Variants in ZNF251 observed in about 807,000 individuals in gnomAD.
ZNF251 encodes the protein zinc finger protein 251.
A neutral mutation model predicts 13.5 loss-of-function variants in ZNF251; 14 were observed. The observed-to-expected ratio is 1.04, with a 90% CI of 0.69 to 1.63. ZNF251 has a LOEUF of 1.63. Ranked by LOEUF, ZNF251 falls within the 40% of genes most tolerant of loss-of-function variation. The pLI is 0.00. For missense variants in ZNF251, 764 were observed against 834.9 expected, an observed-to-expected ratio of 0.92 and a Z score of 1.05; for synonymous variants, 287 against 295.2, an observed-to-expected ratio of 0.97 and a Z score of 0.28.
At chr8:144,752,961 A>G in intron 4 of ZNF251, among the ~76,000 whole-genome samples, 1 of 152,108 alleles carries the variant, frequency 6.6e-6, no homozygotes, top group Non-Finnish European at 1.5e-5. Context: ...ATGTATATTC[A>G]ATAGAACAAA....
chr8:144,722,070 G>C lies in ZNF251; in HGVS notation c.1590C>G (p.Ser530Arg). 1 of 1,613,882 alleles carries C rather than the reference G, an allele frequency of 6.2e-7. No individual in the cohort carries two copies. Among genetic ancestry groups the C allele is most frequent in the South Asian group, 1.1e-5 (1 of 91,064 alleles). ...KHGPAFVHGS[S>R]LTADGQIPTG... is the part of the protein sequence containing the mutation. ...TGGGAATCTGTCCATCTGCTGTGAG[G>C]CTGGAGCCATGAACAAAGGCTGGAC... Residue 530 changes from serine (S) to arginine (R), a missense_variant, in exon 5 of 5, where the codon AGC (serine) becomes AGG (arginine). Ser to Arg is a moderately radical substitution (Grantham distance 110, BLOSUM62 -1). Coordinates refer to ENST00000292562, the MANE Select transcript of ZNF251 (RefSeq NM_138367.2). This position sits in a 1 kb window ranked among gnomAD's most constrained non-coding sequence, Gnocchi z 4.8.
At chr8:144,735,378 T>C (rs1176420693) in intron 4 of ZNF251, among the ~76,000 whole-genome samples, 2 of 103,010 alleles carry the variant, frequency 1.9e-5, no homozygotes, top group African/African-American at 8.2e-5. Context: ...CAAGACTCCG[T>C]CTCAAAAAAA....
chr8:144,750,953 G>A (rs113410048), intron 4 of ZNF251, among the ~76,000 whole-genome samples: 5,579 of 150,946 alleles, frequency 0.037, 346 homozygotes, highest in African/African-American at 0.13. Flanking sequence ...GAGTTTCAGC[G>A]ATTCTCCTGC....
rs781493756 is a variant in ZNF251 at position 144,722,543 on chromosome 8, C to T, written c.1117G>A (p.Gly373Arg). The T allele has an allele frequency of 3.7e-6, 6 of 1,614,152 alleles. No homozygotes were observed. The South Asian group carries it at 5.5e-5, about 15-fold the overall frequency. ...SLIQHERIHT[G>R]EKPHKCNQCG... ...TGATTGCATTTATGGGGCTTCTCTCCAGTGTGAATTCTCTCATGCTGAATA... is the reference window on the plus strand; with the variant it reads ...TGATTGCATTTATGGGGCTTCTCTCTAGTGTGAATTCTCTCATGCTGAATA... Residue 373 changes from glycine (G) to arginine (R), a missense_variant, in exon 5 of 5, where the codon GGA (glycine) becomes AGA (arginine). Coordinates refer to ENST00000292562, the MANE Select transcript of ZNF251 (RefSeq NM_138367.2). The surrounding 1 kb of genome is among the most constrained non-coding windows in gnomAD (Gnocchi z 4.8).
intron 4 of ZNF251, among the ~76,000 whole-genome samples, chr8:144,749,691 T>C (rs1351221497): frequency 6.6e-6 from 1 of 152,146 alleles, no homozygotes; most frequent in Non-Finnish European, 1.5e-5. Context: ...ACTATACTTC[T>C]TTTTTAACTT....
chr8:144,729,225 A>C lies in ZNF251; in HGVS notation c.278-5843T>G, dbSNP rs185765479. ...TTACTCCTAAAGCTCCTGGTTATAA[A>C]AGTCAAAAGAAAAATTGGGATAAAA... On this transcript the variant is annotated intron_variant, in intron 4 of 4. Transcript: ENST00000292562. 5.4e-4 allele frequency among the ~76,000 whole-genome samples: 82 copies of C among 152,264 alleles called. 1 individual carries two copies. Among genetic ancestry groups the C allele is most frequent in the African/African-American group, 1.9e-3 (78 of 41,580 alleles).
Position 144,722,761 on chromosome 8 carries a change from T to C in ZNF251, c.899A>G (p.Lys300Arg), listed in dbSNP as rs913415382. 3 of 1,613,996 alleles carry C rather than the reference T, an allele frequency of 1.9e-6. No homozygotes were observed. The highest frequency in any genetic ancestry group is 1.7e-5 in the Admixed American group (1 of 60,002). ...AAGAGTTGAGCTTCGACTGAAAGCC[T>C]TCCCACACTCACCACAGCCAAAGGG... ...EKPFGCGECG[K>R]AFSRSSTLIQ... The change falls in exon 5 of 5, where the codon AAG (lysine) becomes AGG (arginine). Residue 300 changes from lysine to arginine, a missense_variant. By Grantham distance (26) the Lys-to-Arg change is conservative. Transcript: ENST00000292562. The surrounding 1 kb of genome is among the most constrained non-coding windows in gnomAD (Gnocchi z 4.8).
intron 4 of ZNF251, among the ~76,000 whole-genome samples, chr8:144,745,791 C>G (rs1563768078): frequency 6.6e-6 from 1 of 152,066 alleles, no homozygotes; most frequent in Non-Finnish European, 1.5e-5. Context: ...TTAAGCGATC[C>G]TCCTGCCTTA....
chr8:144,726,564 C>G (rs1375384664), intron 4 of ZNF251, among the ~76,000 whole-genome samples: 2 of 151,154 alleles, frequency 1.3e-5, no homozygotes, highest in Admixed American at 1.3e-4. Flanking sequence ...AAAATAAAGA[C>G]TATTAGAAAA....
chr8:144,722,449 G>A lies in ZNF251; in HGVS notation c.1211C>T (p.Pro404Leu). The A allele has an allele frequency of 1.9e-6, 3 of 1,613,658 alleles. No homozygotes were observed. The highest frequency in any genetic ancestry group is 2.5e-6 in the Non-Finnish European group (3 of 1,179,910). ...TCTGCCGCATTCATTACATACATAGGGTTTCTCTCCAGTATGAACCCGATG... is the reference window on the plus strand; with the variant it reads ...TCTGCCGCATTCATTACATACATAGAGTTTCTCTCCAGTATGAACCCGATG... ...LHHRVHTGEKPYVCNECGRAF... is the reference protein window; with the variant it reads ...LHHRVHTGEKLYVCNECGRAF... The change falls in exon 5 of 5, where the codon CCC (proline) becomes CTC (leucine). Residue 404 changes from proline to leucine, a missense_variant. By Grantham distance (98) the Pro-to-Leu change is moderately conservative. Coordinates refer to ENST00000292562, the MANE Select transcript of ZNF251 (RefSeq NM_138367.2). The surrounding 1 kb of genome is among the most constrained non-coding windows in gnomAD (Gnocchi z 4.8).
At chr8:144,729,720 G>C (rs1420063977) in intron 4 of ZNF251, among the ~76,000 whole-genome samples, 1 of 152,114 alleles carries the variant, frequency 6.6e-6, no homozygotes, top group Admixed American at 6.5e-5. Flanking sequence ...CTTGGGATGG[G>C]CATGGTGGCT....
chr8:144,749,810 TC>T (rs1378789517), intron 4 of ZNF251, among the ~76,000 whole-genome samples: 1 of 152,110 alleles, frequency 6.6e-6, no homozygotes, highest in Non-Finnish European at 1.5e-5. Context: ...AAGGCACTGT[TC>T]CTTTCGGTTA....
chr8:144,752,845 G>A (rs1410637013), intron 4 of ZNF251, among the ~76,000 whole-genome samples: 1 of 152,066 alleles, frequency 6.6e-6, no homozygotes, highest in South Asian at 2.1e-4. Flanking sequence ...AACAAAAACT[G>A]GGAAAGGAAT....
intron 1 of ZNF251, 61 bp from the exon 2 acceptor site, chr8:144,754,864 G>A (rs1824884071): frequency 6.1e-6 from 9 of 1,477,280 alleles, no homozygotes; most frequent in Non-Finnish European, 7.2e-6. Context: ...GGATGGCCAG[G>A]AGGCAGAAGC....
At chr8:144,745,273 G>A (rs1157363386) in intron 4 of ZNF251, among the ~76,000 whole-genome samples, 1 of 149,374 alleles carries the variant, frequency 6.7e-6, no homozygotes, top group Non-Finnish European at 1.5e-5. Context: ...ACATTGAGGT[G>A]TGTTTGTTCC....
intron 4 of ZNF251, among the ~76,000 whole-genome samples, chr8:144,739,718 G>A (rs1359748144): frequency 6.6e-6 from 1 of 152,010 alleles, no homozygotes; most frequent in African/African-American, 2.4e-5. Context: ...GACCAATATG[G>A]TGAAACCTTG....
At chr8:144,724,103 T>G (rs557027192) in intron 4 of ZNF251, among the ~76,000 whole-genome samples, 1 of 151,166 alleles carries the variant, frequency 6.6e-6, no homozygotes, top group Admixed American at 6.6e-5. Flanking sequence ...AATTAGCCAG[T>G]CGAGGTGGCA....
chr8:144,747,618 T>C (rs1824490545), intron 4 of ZNF251, among the ~76,000 whole-genome samples: 1 of 152,234 alleles, frequency 6.6e-6, no homozygotes, highest in Non-Finnish European at 1.5e-5. Flanking sequence ...TATTTTGTTG[T>C]TGTTGTTTTT....
Position 144,733,656 on chromosome 8 carries a change from C to G in ZNF251, c.278-10274G>C, listed in dbSNP as rs74473913. On this transcript the variant is annotated intron_variant, in intron 4 of 4. Coordinates refer to ENST00000292562, the MANE Select transcript of ZNF251 (RefSeq NM_138367.2). ...TTCTCCATCTGGGCTTCCACCCATA[C>G]CCTGGAACCCAGGAAGGCAGATGCC... 8.4e-3 allele frequency among the ~76,000 whole-genome samples: 1,276 copies of G among 152,284 alleles called. 51 individuals are homozygous for G. The East Asian group carries it at 0.11, about 14-fold the overall frequency.
Sources: gnomAD v4.1 joint callset for allele counts (sites outside exome capture counted in the v4.1 genomes callset) on GRCh38, gnomAD v4.1.1 for gene constraint, Gnocchi (gnomAD v3.1) non-coding constraint, MANE v1.5 for transcripts, NCBI Gene and HGNC (gene_info 2026-07-23, HGNC 2026-07-21) for gene names.